SCML4: variants seen among roughly 807,000 people sequenced by gnomAD.
SCML4 encodes Scm polycomb group protein like 4, also known as sex comb on midleg-like protein 4.
SCML4 carries 34 observed loss-of-function variants against 41.1 expected under a neutral mutation model. That is an observed-to-expected ratio of 0.83 (90% CI 0.63 to 1.10). The LOEUF (loss-of-function observed/expected upper bound fraction) is 1.10, where lower values mean the gene tolerates loss of function less well. SCML4 is among the 50% of genes least tolerant of loss of function. The probability of loss-of-function intolerance (pLI) is 0.00; values close to 1 mark genes in which losing one functional copy is unlikely to be tolerated. For missense variants in SCML4, 522 were observed against 534.1 expected (o/e 0.98, Z 0.22); for synonymous variants, 214 against 220.9 (o/e 0.97, Z 0.28).
chr6:107,835,639 G>T, the SCML4 span, among the ~76,000 whole-genome samples: 1 of 151,642 alleles, frequency 6.6e-6, no homozygotes, highest in Non-Finnish European at 1.5e-5. Context: ...TACTTGCTGG[G>T]GAGGGGCGGG....
chr6:107,825,075 C>G (rs1202032764), upstream of SCML4, among the ~76,000 whole-genome samples: 1 of 152,236 alleles, frequency 6.6e-6, no homozygotes. Flanking sequence ...GCAAGAGTGA[C>G]TATTCATTCC....
rs375518949 is a variant in SCML4, at chr6:107,803,668, G to A, written c.-60+20458C>T. 6.5e-3 allele frequency among the ~76,000 whole-genome samples: 943 copies of A among 145,928 alleles called. 5 individuals carry two copies. Among genetic ancestry groups the A allele is most frequent in the African/African-American group, 0.023 (852 of 37,214 alleles). On this transcript the variant is annotated intron_variant, in intron 1 of 7. Transcript: ENST00000369020. Reference sequence around the variant, plus strand: ...TGGTTGCCATGTCTGTGTAGAAAGAGGTAGACATGGGAGACTTTTCATTTT... The same window carrying A: ...TGGTTGCCATGTCTGTGTAGAAAGAAGTAGACATGGGAGACTTTTCATTTT...
intron 6 of SCML4, among the ~76,000 whole-genome samples, chr6:107,715,934 T>C (rs1180473221): frequency 6.9e-6 from 1 of 145,122 alleles, no homozygotes; most frequent in Non-Finnish European, 1.5e-5. Context: ...GTTTTTTTGA[T>C]GATAACTGCT....
rs755529653 is a variant in SCML4 at position 107,728,855 on chromosome 6, C to T, written c.683-7862G>A. ...CAGATGTGGCTCTGTAAAGTGGCTC[C>T]TGGGTGGCCGCGAGTGAACAGCACG... On this transcript the variant is annotated intron_variant, in intron 5 of 7. Coordinates refer to ENST00000369020, the MANE Select transcript of SCML4 (RefSeq NM_198081.5). 5.9e-5 allele frequency among the ~76,000 whole-genome samples: 9 copies of T among 152,268 alleles called. No individual in the cohort carries two copies. The South Asian group carries it at 8.3e-4, about 14-fold the overall frequency.
intron 1 of SCML4, among the ~76,000 whole-genome samples, chr6:107,809,363 T>A (rs931123112): frequency 1.3e-5 from 2 of 152,194 alleles, no homozygotes; most frequent in African/African-American, 2.4e-5. Context: ...CAGAACTGCA[T>A]CTTATAAAGA....
At chr6:107,838,339 T>C in the SCML4 span, among the ~76,000 whole-genome samples, 1 of 152,084 alleles carries the variant, frequency 6.6e-6, no homozygotes, top group Admixed American at 6.6e-5. Context: ...ACCCTCCCTT[T>C]CTCCCCAGGC....
At chr6:107,742,650 T>C (rs893522344) in intron 5 of SCML4, among the ~76,000 whole-genome samples, 2 of 152,150 alleles carry the variant, frequency 1.3e-5, no homozygotes, top group African/African-American at 4.8e-5. Flanking sequence ...GCATTTTCAA[T>C]GTACTGAAAG....
chr6:107,766,948 T>C (rs992319121), intron 2 of SCML4, among the ~76,000 whole-genome samples: 2 of 117,176 alleles, frequency 1.7e-5, no homozygotes, highest in Non-Finnish European at 3.2e-5. Flanking sequence ...ACTATTAAGC[T>C]ATTTTTTTTT....
intron 5 of SCML4, among the ~76,000 whole-genome samples, chr6:107,734,260 T>C (rs1473441264): frequency 6.6e-6 from 1 of 152,174 alleles, no homozygotes; most frequent in African/African-American, 2.4e-5. Flanking sequence ...CAAAATAAAT[T>C]GTGATTTAGA....
At position 107,704,848 on chromosome 6, in the gene SCML4, C is replaced by G; in HGVS notation, c.*352G>C. On this transcript the variant is annotated 3_prime_UTR_variant, in exon 8 of 8. Coordinates refer to ENST00000369020, the MANE Select transcript of SCML4 (RefSeq NM_198081.5). ...AGAGACCGCAGGGACAAAGGTCCTTCTTTCATCCTTTGAACCCTCCAGAAC... is the reference window on the plus strand; with the variant it reads ...AGAGACCGCAGGGACAAAGGTCCTTGTTTCATCCTTTGAACCCTCCAGAAC... 3.1e-6 allele frequency: 1 copy of G among 325,450 alleles called. No homozygotes were observed. The highest frequency in any genetic ancestry group is 2.8e-5 in the South Asian group (1 of 36,284). 20.2% of individuals were successfully genotyped at this position (325,450 alleles called of 1,614,324 possible). A position where few individuals can be genotyped will look rare whatever the true frequency, so the allele number is the denominator to read the frequency against.
intron 1 of SCML4, among the ~76,000 whole-genome samples, chr6:107,793,124 T>A (rs942397499): frequency 6.6e-6 from 1 of 152,126 alleles, no homozygotes; most frequent in African/African-American, 2.4e-5. Flanking sequence ...CACAATGTGG[T>A]CGGCAGCCCC....
chr6:107,814,275 C>G (rs371266074), intron 1 of SCML4, among the ~76,000 whole-genome samples: 13 of 152,326 alleles, frequency 8.5e-5, no homozygotes, highest in African/African-American at 3.1e-4. Context: ...ACCGTGGAGC[C>G]ACTTAATTCA....
chr6:107,813,401 TATATATATATATATATATATATAA>T (rs1404796289), intron 1 of SCML4, among the ~76,000 whole-genome samples: 737 of 54,602 alleles, frequency 0.013, 38 homozygotes, highest in East Asian at 0.026. Flanking sequence ...TATATATATA[TATATATATATATATATATATATAA>T]AACTGTAAAA....
At chr6:107,781,846 CCTT>C (rs567028196) in intron 1 of SCML4, among the ~76,000 whole-genome samples, 160 of 152,332 alleles carry the variant, frequency 1.1e-3, no homozygotes, top group Non-Finnish European at 1.9e-3. Context: ...TCATGCTCCT[CCTT>C]CTCCAGATGT....
chr6:107,711,574 G>C (rs901509537), intron 6 of SCML4, among the ~76,000 whole-genome samples: 5 of 152,164 alleles, frequency 3.3e-5, no homozygotes, highest in Non-Finnish European at 4.4e-5. Context: ...GCATTTCCCA[G>C]AATGTATCCC....
Position 107,744,961 on chromosome 6 carries a change from T to C in SCML4, c.670A>G (p.Arg224Gly), listed in dbSNP as rs760034859. The change falls in exon 5 of 8, where the codon AGG (arginine) becomes GGG (glycine). Residue 224 changes from arginine to glycine, a missense_variant. Coordinates refer to ENST00000369020, the MANE Select transcript of SCML4 (RefSeq NM_198081.5). ...GGACAAGGCCTACCTGATTCCATCC[T>C]CCCTTCCTCTTTCTCCTGGACTTTC... ...SEKVQEKEEGRMESVKTVTTE... is the reference protein window; with the variant it reads ...SEKVQEKEEGGMESVKTVTTE... 1.9e-6 allele frequency: 3 copies of C among 1,609,940 alleles called. No individual in the cohort carries two copies. The highest frequency in any genetic ancestry group is 2.5e-6 in the Non-Finnish European group (3 of 1,177,966).
intron 2 of SCML4, among the ~76,000 whole-genome samples, chr6:107,755,861 C>G (rs1035740863): frequency 2.0e-5 from 3 of 151,974 alleles, no homozygotes; most frequent in Admixed American, 2.0e-4. Context: ...AGTAAGACAA[C>G]ACTAAGGAAA....
intron 2 of SCML4, among the ~76,000 whole-genome samples, chr6:107,756,894 C>G (rs1332649072): frequency 6.6e-6 from 1 of 152,208 alleles, no homozygotes; most frequent in Non-Finnish European, 1.5e-5. Context: ...GTGCAGGACG[C>G]CATGCTCTGA....
intron 6 of SCML4, among the ~76,000 whole-genome samples, chr6:107,714,258 G>C (rs1739862): frequency 6.6e-6 from 1 of 152,020 alleles, no homozygotes; most frequent in African/African-American, 2.4e-5. Context: ...TGAGCTGAGC[G>C]AGATTCCTTC....
Sources: allele counts gnomAD v4.1 joint callset (sites outside exome capture counted in the v4.1 genomes callset), GRCh38; gene constraint gnomAD v4.1.1; transcripts MANE v1.5; gene names NCBI Gene and HGNC (gene_info 2026-07-23, HGNC 2026-07-21).